Variants in CDKAL1 observed in about 807,000 individuals in gnomAD.
The protein encoded by CDKAL1 is threonylcarbamoyladenosine tRNA methylthiotransferase.
In CDKAL1, 32 loss-of-function variants were observed where a neutral mutation model predicts 68.2. The ratio of observed to expected loss-of-function variants is 0.47; its 90% CI spans 0.35 to 0.63. CDKAL1 has a LOEUF of 0.63. Among genes scored for constraint, CDKAL1 ranks in the 30% least tolerant of loss-of-function variants. CDKAL1 has a pLI of 0.00. For missense variants in CDKAL1, 606 were observed against 696.7 expected, an observed-to-expected ratio of 0.87 and a Z score of 1.47; for synonymous variants, 234 against 244.3, an observed-to-expected ratio of 0.96 and a Z score of 0.39.
At chr6:20,790,931 T>G (rs1271278965) in intron 8 of CDKAL1, among the ~76,000 whole-genome samples, 1 of 151,992 alleles carries the variant, frequency 6.6e-6, no homozygotes, top group Non-Finnish European at 1.5e-5. Flanking sequence ...GGCACGACAG[T>G]GTAGAAAACC....
chr6:20,733,417 C>A (rs1172451735), intron 5 of CDKAL1, among the ~76,000 whole-genome samples: 1 of 152,118 alleles, frequency 6.6e-6, no homozygotes, highest in Admixed American at 6.5e-5. Context: ...TGCTTGTGAA[C>A]AAAAGTTCTC....
At chr6:21,062,636 A>T (rs11969587) in intron 11 of CDKAL1, among the ~76,000 whole-genome samples, 30,258 of 152,146 alleles carry the variant, frequency 0.2, 3,127 homozygotes, top group Middle Eastern at 0.24. Flanking sequence ...TATCTTACTA[A>T]CTAAAGTTCA....
At chr6:20,914,115 C>T (rs1236003772) in intron 9 of CDKAL1, among the ~76,000 whole-genome samples, 1 of 151,868 alleles carries the variant, frequency 6.6e-6, no homozygotes, top group East Asian at 1.9e-4. Flanking sequence ...CAGTGAAACC[C>T]CGTCTCTACT....
intron 4 of CDKAL1, among the ~76,000 whole-genome samples, chr6:20,643,685 T>C (rs1768296877): frequency 6.6e-6 from 1 of 152,232 alleles, no homozygotes. Context: ...TGGGTGATTG[T>C]GGGTTGGCTC....
intron 5 of CDKAL1, among the ~76,000 whole-genome samples, chr6:20,718,996 G>A (rs1178161784): frequency 6.6e-6 from 1 of 152,110 alleles, no homozygotes; most frequent in Non-Finnish European, 1.5e-5. Context: ...CCATTTTCAT[G>A]TAACTTGTGA....
chr6:21,109,524 A>G (rs1774018693), intron 13 of CDKAL1, among the ~76,000 whole-genome samples: 1 of 152,228 alleles, frequency 6.6e-6, no homozygotes, highest in Non-Finnish European at 1.5e-5. Flanking sequence ...AAAACTCGTA[A>G]AAGAGATGTT....
intron 13 of CDKAL1, among the ~76,000 whole-genome samples, chr6:21,144,891 C>T (rs1175356285): frequency 6.6e-6 from 1 of 151,998 alleles, no homozygotes; most frequent in Non-Finnish European, 1.5e-5. Context: ...AGGGATGTGC[C>T]CTAGCTTTAC....
chr6:20,550,677 C>T (rs1379853085), intron 4 of CDKAL1, among the ~76,000 whole-genome samples: 1 of 151,922 alleles, frequency 6.6e-6, no homozygotes, highest in Admixed American at 6.6e-5. Flanking sequence ...TGAATAGTAA[C>T]CCACACATAT....
chr6:20,882,990 G>GT (rs965985579), intron 9 of CDKAL1, among the ~76,000 whole-genome samples: 49 of 150,962 alleles, frequency 3.2e-4, no homozygotes, highest in African/African-American at 9.2e-4. Context: ...CAGCACTTTG[G>GT]TTTTTTTTTC....
At chr6:20,704,471 A>T (rs1203468855) in intron 5 of CDKAL1, among the ~76,000 whole-genome samples, 1 of 152,224 alleles carries the variant, frequency 6.6e-6, no homozygotes, top group African/African-American at 2.4e-5. Context: ...ACAGCAATAA[A>T]AAAAACACTG....
chr6:20,883,112 A>G (rs190948609), intron 9 of CDKAL1, among the ~76,000 whole-genome samples: 2 of 152,164 alleles, frequency 1.3e-5, no homozygotes, highest in African/African-American at 4.8e-5. Flanking sequence ...TACTTTAAGT[A>G]CTGCTATGAG....
At chr6:20,936,637 C>G (rs1165767348) in intron 9 of CDKAL1, among the ~76,000 whole-genome samples, 1 of 152,034 alleles carries the variant, frequency 6.6e-6, no homozygotes, top group East Asian at 1.9e-4. Flanking sequence ...ATGACAATGG[C>G]AGTACTATGA....
rs764743529 is a variant in CDKAL1 at position 20,546,543 on chromosome 6, A to G, written c.173+20A>G. On this transcript the variant is annotated intron_variant, in intron 3 of 15. Coordinates refer to ENST00000274695, the MANE Select transcript of CDKAL1 (RefSeq NM_017774.3). ...TGACAGGTAAGCTTTTTTCCTTGAA[A>G]TTATATTCATTTTCTTTTTTTTTCT... 1.2e-6 allele frequency: 2 copies of G among 1,600,804 alleles called. No individual in the cohort carries two copies. Among genetic ancestry groups the G allele is most frequent in the African/African-American group, 1.3e-5 (1 of 74,268 alleles).
chr6:21,149,283 G>A (rs943919133), intron 13 of CDKAL1, among the ~76,000 whole-genome samples: 1 of 152,018 alleles, frequency 6.6e-6, no homozygotes, highest in African/African-American at 2.4e-5. Flanking sequence ...GGGATTACAG[G>A]CATGCCCCAC....
chr6:21,032,885 A>G (rs942040094), intron 11 of CDKAL1, among the ~76,000 whole-genome samples: 2 of 152,226 alleles, frequency 1.3e-5, no homozygotes, highest in African/African-American at 4.8e-5. Flanking sequence ...TTTCAAATAG[A>G]TAAATAATTC....
rs1274222405 is a variant in CDKAL1, at chr6:20,694,050, G to GTGTGTGTATA, written c.371+44680_371+44681insATATGTGTGT. Among the ~76,000 whole-genome samples, 195 of 89,116 alleles carry GTGTGTGTATA rather than the reference G, an allele frequency of 2.2e-3. 2 individuals are homozygous for GTGTGTGTATA. Among genetic ancestry groups the GTGTGTGTATA allele is most frequent in the African/African-American group, 7.4e-3 (149 of 20,110 alleles). 58.5% of individuals were successfully genotyped at this position (89,116 alleles called of 152,430 possible). A position where few individuals can be genotyped will look rare whatever the true frequency, so the allele number is the denominator to read the frequency against. Reference sequence around the variant, plus strand: ...AACACACCCGGCTAACTTTGTGTGTGTGTGTGTGTGTATGTGTGTGTGTGT... The same window carrying GTGTGTGTATA: ...AACACACCCGGCTAACTTTGTGTGTGTGTGTGTATATGTGTGTGTGTATGTGTGTGTGTGT... On this transcript the variant is annotated intron_variant, in intron 5 of 15. Transcript: ENST00000274695.
intron 12 of CDKAL1, among the ~76,000 whole-genome samples, chr6:21,075,870 T>G (rs1487860839): frequency 6.6e-6 from 1 of 152,166 alleles, no homozygotes; most frequent in Non-Finnish European, 1.5e-5. Flanking sequence ...ATAATGAAAT[T>G]ATTGTGAAAT....
chr6:20,912,171 T>C (rs1445616838), intron 9 of CDKAL1, among the ~76,000 whole-genome samples: 1 of 152,230 alleles, frequency 6.6e-6, no homozygotes, highest in Non-Finnish European at 1.5e-5. Context: ...AATTTTATTA[T>C]TGTTTCTTTC....
intron 13 of CDKAL1, among the ~76,000 whole-genome samples, chr6:21,153,379 C>G (rs1331089159): frequency 2.0e-5 from 3 of 151,876 alleles, no homozygotes; most frequent in Non-Finnish European, 4.4e-5. Context: ...GCTTCTGCCT[C>G]TATTCTGATA....
Sources: gnomAD v4.1 joint callset for allele counts (sites outside exome capture counted in the v4.1 genomes callset) on GRCh38, gnomAD v4.1.1 for gene constraint, MANE v1.5 for transcripts, NCBI Gene and HGNC (gene_info 2026-07-23, HGNC 2026-07-21) for gene names.